PACS1: variants seen among roughly 807,000 people sequenced by gnomAD.
PACS1 encodes the protein PACS-1.
A neutral mutation model predicts 115.0 loss-of-function variants in PACS1; 24 were observed. The observed-to-expected ratio is 0.21, with a 90% confidence interval of 0.15 to 0.29. The LOEUF (loss-of-function observed/expected upper bound fraction) is 0.29. PACS1 is among the 10% of genes least tolerant of loss of function. The pLI, the probability that PACS1 is intolerant of heterozygous loss-of-function variation, is 1.00. For synonymous variants in PACS1, 453 were observed against 504.5 expected, an observed-to-expected ratio of 0.90 and a Z score of 1.37; for missense variants, 838 against 1,251.2, an observed-to-expected ratio of 0.67 and a Z score of 4.98.
intron 1 of PACS1, among the ~76,000 whole-genome samples, chr11:66,114,449 T>C (rs547831853): frequency 1.3e-5 from 2 of 152,128 alleles, no homozygotes; most frequent in South Asian, 2.1e-4. Context: ...TTGGGGATTT[T>C]TCTGTTTTTG....
At position 66,234,187 on chromosome 11, in the gene PACS1, C is replaced by A; in HGVS notation, c.2049C>A (p.Ser683=). Reference sequence around the variant, plus strand: ...CAGTCGACAGTAAATACAGTAGTTCCTTCCTGGATTCTGGTTGGAGAGATC... The same window carrying A: ...CAGTCGACAGTAAATACAGTAGTTCATTCCTGGATTCTGGTTGGAGAGATC... ...LGSVDSKYSS[S]FLDSGWRDLF... The change falls in exon 17 of 24, where the codon TCC becomes TCA. Residue 683 remains serine, a synonymous_variant. Transcript: ENST00000320580. The A allele has an allele frequency of 1.9e-6, 3 of 1,614,136 alleles. No homozygotes were observed. Among genetic ancestry groups the A allele is most frequent in the Non-Finnish European group, 2.5e-6 (3 of 1,179,992 alleles).
At chr11:66,205,198 T>C (rs1220924076) in intron 2 of PACS1, among the ~76,000 whole-genome samples, 2 of 152,044 alleles carry the variant, frequency 1.3e-5, no homozygotes, top group Admixed American at 6.6e-5. Context: ...TTGCCCAGGC[T>C]GGTCTTGAAC....
chr11:66,140,503 A>G (rs1449043985), intron 1 of PACS1, among the ~76,000 whole-genome samples: 1 of 152,148 alleles, frequency 6.6e-6, no homozygotes, highest in African/African-American at 2.4e-5. Flanking sequence ...GTCACGGTGC[A>G]TGGCTGAGAG....
intron 1 of PACS1, among the ~76,000 whole-genome samples, chr11:66,134,933 A>C (rs1247584369): frequency 6.6e-6 from 1 of 152,210 alleles, no homozygotes; most frequent in East Asian, 1.9e-4. Context: ...TATTTCAGCC[A>C]AGTGCAGTGG....
intron 1 of PACS1, among the ~76,000 whole-genome samples, chr11:66,124,561 T>C (rs192206907): frequency 1.1e-4 from 17 of 152,342 alleles, no homozygotes; most frequent in Non-Finnish European, 2.4e-4. Flanking sequence ...TACTGCACTT[T>C]AACCTTGTTC....
Position 66,097,740 on chromosome 11 carries a change from C to G in PACS1, c.356+26898C>G, listed in dbSNP as rs77696117. ...ATCTCCACCGACATTTAGTGCCTGT[C>G]TTTTAGATTTTAGCCATGTTAGTGG... is the stretch of plus-strand genomic sequence containing the variant. On this transcript the variant is annotated intron_variant, in intron 1 of 23. Coordinates refer to ENST00000320580, the MANE Select transcript of PACS1 (RefSeq NM_018026.4). Among the ~76,000 whole-genome samples the G allele has an allele frequency of 6.1e-3, 928 of 152,324 alleles. 15 individuals are homozygous for G. The highest frequency in any genetic ancestry group is 0.021 in the African/African-American group (888 of 41,574).
At chr11:66,187,151 G>C (rs1407909988) in intron 1 of PACS1, among the ~76,000 whole-genome samples, 1 of 152,154 alleles carries the variant, frequency 6.6e-6, no homozygotes, top group Non-Finnish European at 1.5e-5. Flanking sequence ...ACCATTGTGA[G>C]TGGAGCTGCT....
In PACS1 at chr11:66,229,540, G is replaced by A. The variant is rs528661410; in HGVS notation, c.1375-1008G>A. 1.5e-3 allele frequency among the ~76,000 whole-genome samples: 225 copies of A among 152,044 alleles called. 2 individuals are homozygous for A. Among genetic ancestry groups the A allele is most frequent in the African/African-American group, 5.3e-3 (218 of 41,472 alleles). ...CGTCTCTACTAAAAATAAGCCGGGCGTGGTGGTGGGCGCCTGTAGTCCCAG... is the reference window on the plus strand; with the variant it reads ...CGTCTCTACTAAAAATAAGCCGGGCATGGTGGTGGGCGCCTGTAGTCCCAG... On this transcript the variant is annotated intron_variant, in intron 11 of 23. Coordinates refer to ENST00000320580, the MANE Select transcript of PACS1 (RefSeq NM_018026.4).
Position 66,235,795 on chromosome 11 carries a change from C to T in PACS1, c.2208-103C>T, listed in dbSNP as rs1173501819. On this transcript the variant is annotated intron_variant, in intron 18 of 23. Transcript: ENST00000320580. This position sits in a 1 kb window ranked among gnomAD's most constrained non-coding sequence, Gnocchi z 5.6. ...GTGATGGGCAGAGGCAGCCCAGCAT[C>T]CTGGACTCTGCTGCAGCCACAGTGA... The T allele has an allele frequency of 9.0e-6, 9 of 995,512 alleles. No homozygotes were observed. The highest frequency in any genetic ancestry group is 1.5e-5 in the Non-Finnish European group (9 of 616,348). 61.7% of individuals were successfully genotyped at this position (995,512 alleles called of 1,614,324 possible).
At chr11:66,157,847 G>GAAA (rs35418819) in intron 1 of PACS1, among the ~76,000 whole-genome samples, 4 of 147,652 alleles carry the variant, frequency 2.7e-5, no homozygotes, top group African/African-American at 7.5e-5. Flanking sequence ...TAGCCTATGG[G>GAAA]AAAAAAAAAA....
At chr11:66,118,410 A>AATTG (rs1858357333) in intron 1 of PACS1, among the ~76,000 whole-genome samples, 1 of 152,134 alleles carries the variant, frequency 6.6e-6, no homozygotes, top group African/African-American at 2.4e-5. Context: ...CCAGGAGCTC[A>AATTG]AGACCACCCT....
At chr11:66,136,869 G>A (rs1407996082) in intron 1 of PACS1, among the ~76,000 whole-genome samples, 1 of 152,086 alleles carries the variant, frequency 6.6e-6, no homozygotes, top group Non-Finnish European at 1.5e-5. Context: ...TCCCACAGAA[G>A]TGGTCTTCAG....
At chr11:66,087,247 G>GT (rs111457649) in intron 1 of PACS1, among the ~76,000 whole-genome samples, 1,719 of 145,092 alleles carry the variant, frequency 0.012, 28 homozygotes, top group African/African-American at 0.036. Context: ...TTTTTTTTTT[G>GT]TTTTTTTTTT....
intron 1 of PACS1, among the ~76,000 whole-genome samples, chr11:66,150,071 G>C (rs1473799861): frequency 6.6e-6 from 1 of 151,970 alleles, no homozygotes; most frequent in Non-Finnish European, 1.5e-5. Context: ...ATTCATATTT[G>C]TTCAATTTCT....
rs78494470 is a variant in PACS1, at chr11:66,187,736, C to G, written c.357-5750C>G. On this transcript the variant is annotated intron_variant, in intron 1 of 23. Transcript: ENST00000320580. ...TCGGACCCCTAGGTTGATTCCTTCT[C>G]TTGGCTATTGTGAACGGTGCTCGGT... is the stretch of plus-strand genomic sequence containing the variant. 2.6e-3 allele frequency among the ~76,000 whole-genome samples: 399 copies of G among 152,300 alleles called. 3 individuals are homozygous for G. The highest frequency in any genetic ancestry group is 9.1e-3 in the African/African-American group (377 of 41,566).
At chr11:66,075,168 C>A (rs1047708402) in intron 1 of PACS1, among the ~76,000 whole-genome samples, 2 of 152,130 alleles carry the variant, frequency 1.3e-5, no homozygotes, top group African/African-American at 4.8e-5. Context: ...TGGTCTCGAT[C>A]TCCTGAGCTT....
At chr11:66,240,122 A>C (rs1039795857) in intron 21 of PACS1, among the ~76,000 whole-genome samples, 1 of 152,264 alleles carries the variant, frequency 6.6e-6, no homozygotes, top group Non-Finnish European at 1.5e-5. Flanking sequence ...CATGCGTGTC[A>C]GTGCCTGGCA....
intron 1 of PACS1, among the ~76,000 whole-genome samples, chr11:66,153,939 A>G (rs1398899280): frequency 6.6e-6 from 1 of 152,220 alleles, no homozygotes; most frequent in Admixed American, 6.5e-5. Context: ...ACAGAGACAC[A>G]GGTTAAAAGT....
chr11:66,096,209 C>CTTTTTTTTTTTTTTTTTTTTT (rs66569530), intron 1 of PACS1, among the ~76,000 whole-genome samples: 1 of 119,508 alleles, frequency 8.4e-6, no homozygotes, highest in East Asian at 2.9e-4. Flanking sequence ...CTTTTTCTTT[C>CTTTTTTTTTTTTTTTTTTTTT]TTTTTTTTTT....
Sources: gnomAD v4.1 joint callset for allele counts (sites outside exome capture counted in the v4.1 genomes callset) on GRCh38, gnomAD v4.1.1 for gene constraint, Gnocchi (gnomAD v3.1) non-coding constraint, MANE v1.5 for transcripts, NCBI Gene and HGNC (gene_info 2026-07-23, HGNC 2026-07-21) for gene names.